NFATC2: variants seen among roughly 807,000 people sequenced by gnomAD.
NFATC2 encodes nuclear factor of activated T-cells, cytoplasmic 2.
In NFATC2, 22 loss-of-function variants were observed where a neutral mutation model predicts 87.3. The ratio of observed to expected loss-of-function variants is 0.25; its 90% CI spans 0.18 to 0.36. NFATC2 has a LOEUF of 0.36. Ranked by LOEUF, NFATC2 falls within the 10% of genes least tolerant of loss-of-function variation. NFATC2 has a pLI of 1.00. For missense variants in NFATC2, 1,149 were observed against 1,259.1 expected (o/e 0.91, Z 1.32); for synonymous variants, 565 against 542.2 (o/e 1.04, Z -0.58).
At chr20:51,516,305 C>A (rs745660230) in intron 3 of NFATC2, among the ~76,000 whole-genome samples, 1 of 151,994 alleles carries the variant, frequency 6.6e-6, no homozygotes, top group African/African-American at 2.4e-5. Context: ...CAGAGGCTGG[C>A]GTGTTTGTGA....
chr20:51,525,726 A>G (rs1365955105), intron 1 of NFATC2, among the ~76,000 whole-genome samples: 1 of 152,006 alleles, frequency 6.6e-6, no homozygotes, highest in Non-Finnish European at 1.5e-5. Context: ...ACCCTGGTCC[A>G]AGCCGCCGTC....
intron 10 of NFATC2, among the ~76,000 whole-genome samples, chr20:51,397,887 G>GAAGCTGAGGCACAGAGAGGTAATGC (rs1481031343): frequency 2.6e-5 from 4 of 152,186 alleles, no homozygotes; most frequent in Non-Finnish European, 5.9e-5. Flanking sequence ...CAGCATCTAA[G>GAAGCTGAGGCACAGAGAGGTAATGC]AAGCTGAGGC....
chr20:51,472,623 TTTC>T (rs1472130486), intron 5 of NFATC2, among the ~76,000 whole-genome samples: 3 of 148,438 alleles, frequency 2.0e-5, no homozygotes, highest in South Asian at 2.1e-4. Context: ...TTTTTTCTTC[TTTC>T]TTCTTTTTTT....
chr20:51,452,956 C>T (rs1985983035), intron 6 of NFATC2: 1 of 154,768 alleles, frequency 6.5e-6, no homozygotes, highest in African/African-American at 2.4e-5. Flanking sequence ...CGCAGCCCTC[C>T]TGGTGGCTGG....
At chr20:51,549,407 G>A (rs1457180433) in intron 1 of NFATC2, among the ~76,000 whole-genome samples, 1 of 152,150 alleles carries the variant, frequency 6.6e-6, no homozygotes, top group Non-Finnish European at 1.5e-5. Context: ...CGAATAGCTG[G>A]GATTATAGGC....
chr20:51,424,932 G>C (rs1981544234), intron 9 of NFATC2, among the ~76,000 whole-genome samples: 1 of 151,976 alleles, frequency 6.6e-6, no homozygotes, highest in East Asian at 2.0e-4. Flanking sequence ...CTCTGCGGGA[G>C]GGGTGTTGAA....
intron 1 of NFATC2, among the ~76,000 whole-genome samples, chr20:51,561,484 A>AAGCAAGCAAGC (rs2077029826): frequency 1.7e-4 from 15 of 90,054 alleles, no homozygotes; most frequent in Middle Eastern, 5.8e-3. Context: ...AGAAAGAAAG[A>AAGCAAGCAAGC]AAGCAAGCAA....
At chr20:51,442,703 G>A (rs1158837524) in intron 6 of NFATC2, among the ~76,000 whole-genome samples, 1 of 106,970 alleles carries the variant, frequency 9.3e-6, no homozygotes, top group Non-Finnish European at 2.0e-5. Context: ...TTTAAATAAA[G>A]TTTGTTTTTT....
At chr20:51,434,167 G>T (rs1983212640) in intron 8 of NFATC2, among the ~76,000 whole-genome samples, 1 of 151,404 alleles carries the variant, frequency 6.6e-6, no homozygotes, top group Non-Finnish European at 1.5e-5. Flanking sequence ...ACAAAACTGT[G>T]GGCACAAGTC....
chr20:51,505,923 A>G (rs2076171704), intron 3 of NFATC2, among the ~76,000 whole-genome samples: 1 of 152,168 alleles, frequency 6.6e-6, no homozygotes, highest in East Asian at 1.9e-4. Flanking sequence ...TCCTAACACG[A>G]TGGTTCAGAG....
At position 51,398,775 on chromosome 20, in the gene NFATC2, T is replaced by C. The variant is rs568517133; in HGVS notation, c.2723-45A>G. 20 of 1,163,938 alleles carry C rather than the reference T, an allele frequency of 1.7e-5. No individual in the cohort carries two copies. The East Asian group carries it at 4.7e-4, about 28-fold the overall frequency. The allele number at this position is 1,163,938 out of a possible 1,614,324, so 72.1% of individuals were successfully genotyped here. ...TCATTTTTGAGAAGAAAAAAAAAAATCACCTTTGATCTCTCTTACGCTTCC... is the reference window on the plus strand; with the variant it reads ...TCATTTTTGAGAAGAAAAAAAAAAACCACCTTTGATCTCTCTTACGCTTCC... On this transcript the variant is annotated intron_variant, in intron 9 of 10. Transcript: ENST00000371564.
At chr20:51,433,100 T>C (rs560941186) in intron 8 of NFATC2, among the ~76,000 whole-genome samples, 30 of 152,222 alleles carry the variant, frequency 2.0e-4, no homozygotes, top group Non-Finnish European at 3.7e-4. Flanking sequence ...CCTCTTTCTA[T>C]CCCAGCAGCT....
Position 51,516,768 on chromosome 20 carries a change from G to T in NFATC2, c.1332+16C>A. On this transcript the variant is annotated intron_variant, in intron 3 of 10. Coordinates refer to ENST00000371564, the MANE Select transcript of NFATC2 (RefSeq NM_012340.5). ...ACAAACACCACACACAAAAGGAAGA[G>T]CATTCAAGTCCATACCTGAACCACA... 1 of 1,579,800 alleles carries T rather than the reference G, an allele frequency of 6.3e-7. No individual in the cohort carries two copies. The highest frequency in any genetic ancestry group is 8.6e-7 in the Non-Finnish European group (1 of 1,160,690).
intron 4 of NFATC2, among the ~76,000 whole-genome samples, 160 bp from the exon 5 acceptor site, chr20:51,474,312 A>G (rs1392395872): frequency 6.6e-6 from 1 of 152,218 alleles, no homozygotes; most frequent in Non-Finnish European, 1.5e-5. Context: ...GGTAAAAAAT[A>G]CTTAACAAAA....
chr20:51,556,617 T>C (rs2076980582), intron 1 of NFATC2, among the ~76,000 whole-genome samples: 1 of 152,160 alleles, frequency 6.6e-6, no homozygotes, highest in Admixed American at 6.5e-5. Context: ...AGATGGAAAC[T>C]GGGCTGGGCC....
In NFATC2 at chr20:51,475,211, C is replaced by T. The variant is rs545610406; in HGVS notation, c.1535+247G>A. Among the ~76,000 whole-genome samples, 28 of 152,212 alleles carry T rather than the reference C, an allele frequency of 1.8e-4. 1 individual carries two copies. The South Asian group carries it at 5.0e-3, about 27-fold the overall frequency. On this transcript the variant is annotated intron_variant, in intron 4 of 10. Transcript: ENST00000371564. ...CTTGAATTCCTGATCTCAAGTGATC[C>T]ACCCGCCTCAGCCTTCCAAAGCGCT...
At chr20:51,394,556 T>A (rs868596452) in intron 10 of NFATC2, among the ~76,000 whole-genome samples, 1 of 152,074 alleles carries the variant, frequency 6.6e-6, no homozygotes, top group Non-Finnish European at 1.5e-5. Context: ...GTCGCACTCC[T>A]GTCTCCTCAC....
chr20:51,432,375 T>A lies in NFATC2; in HGVS notation c.2414A>T (p.Gln805Leu). 1 of 1,612,132 alleles carries A rather than the reference T, an allele frequency of 6.2e-7. No individual in the cohort carries two copies. Among genetic ancestry groups the A allele is most frequent in the Non-Finnish European group, 8.5e-7 (1 of 1,178,906 alleles). Residue 805 changes from glutamine to leucine, a missense_variant, in exon 9 of 11, where the codon CAG becomes CTG. Around this residue, in one of 3 missense-constraint regions of NFATC2, gnomAD observed 581 missense variants for 649.7 expected, o/e 0.89. Transcript: ENST00000371564. The surrounding 1 kb of genome is among the most constrained non-coding windows in gnomAD (Gnocchi z 4.6). ...SALLHPSPTN[Q>L]QASPVIHYSP... ...GTAGTGGATCACAGGCGAGGCCTGC[T>A]GGTTGGTCGGAGAGGGGTGGAGCAG...
At chr20:51,510,693 C>T (rs1225559926) in intron 3 of NFATC2, among the ~76,000 whole-genome samples, 3 of 152,200 alleles carry the variant, frequency 2.0e-5, no homozygotes, top group African/African-American at 2.4e-5. Flanking sequence ...ACGATCACAG[C>T]GGACTGCCGC....
Sources: gnomAD v4.1 joint callset for allele counts (sites outside exome capture counted in the v4.1 genomes callset) on GRCh38, gnomAD v4.1.1 for gene constraint, gnomAD v4.1.1 regional missense constraint, Gnocchi (gnomAD v3.1) non-coding constraint, MANE v1.5 for transcripts, NCBI Gene and HGNC (gene_info 2026-07-23, HGNC 2026-07-21) for gene names.